Variants in NEDD4L observed in about 807,000 individuals in gnomAD.
NEDD4L encodes the protein E3 ubiquitin-protein ligase NEDD4-like.
A neutral mutation model predicts 148.9 loss-of-function variants in NEDD4L; 54 were observed. The ratio of observed to expected loss-of-function variants is 0.36; its 90% CI spans 0.29 to 0.45. NEDD4L has a LOEUF of 0.45. Among genes scored for constraint, NEDD4L ranks in the 20% least tolerant of loss-of-function variants. NEDD4L has a pLI of 1.00. For missense variants in NEDD4L, 856 were observed against 1,233.8 expected (o/e 0.69, Z 4.59); for synonymous variants, 433 against 440.7 (o/e 0.98, Z 0.22).
intron 6 of NEDD4L, among the ~76,000 whole-genome samples, chr18:58,321,989 T>A (rs3865417): frequency 1 from 152,242 of 152,352 alleles, 76,067 homozygotes; most frequent in Middle Eastern, 1. Flanking sequence ...TAGGCTGATG[T>A]TGTGAGATTT....
intron 1 of NEDD4L, among the ~76,000 whole-genome samples, chr18:58,140,499 CTGTT>C (rs2146122596): frequency 6.6e-6 from 1 of 152,022 alleles, no homozygotes; most frequent in African/African-American, 2.4e-5. Context: ...GATTAGCCCT[CTGTT>C]TGCCCCACAA....
intron 5 of NEDD4L, among the ~76,000 whole-genome samples, chr18:58,305,130 C>T (rs1242538638): frequency 6.6e-6 from 1 of 152,166 alleles, no homozygotes; most frequent in Non-Finnish European, 1.5e-5. Flanking sequence ...ATGGGCCCAG[C>T]GATTTCTCAT....
At chr18:58,310,342 C>T (rs1450156722) in intron 5 of NEDD4L, among the ~76,000 whole-genome samples, 2 of 152,186 alleles carry the variant, frequency 1.3e-5, no homozygotes, top group Admixed American at 1.3e-4. Context: ...AATTAAATGG[C>T]AGAGGAGCTG....
At position 58,105,965 on chromosome 18, in the gene NEDD4L, A is replaced by G. The variant is rs190222797; in HGVS notation, c.49-59823A>G. On this transcript the variant is annotated intron_variant, in intron 1 of 30. Transcript: ENST00000400345. ...ATGAGATTCCAGAAATTGTTATGAA[A>G]AAAGAAACCTTAGGTTACCCAGCAG... 2.2e-4 allele frequency among the ~76,000 whole-genome samples: 34 copies of G among 152,344 alleles called. 1 individual carries two copies. Among genetic ancestry groups the G allele is most frequent in the African/African-American group, 7.5e-4 (31 of 41,584 alleles).
At chr18:58,092,535 G>T (rs943906534) in intron 1 of NEDD4L, among the ~76,000 whole-genome samples, 1 of 152,234 alleles carries the variant, frequency 6.6e-6, no homozygotes, top group Admixed American at 6.5e-5. Context: ...TTTGATTTGG[G>T]AGGTACGAAA....
chr18:58,300,824 A>T (rs926862400), intron 5 of NEDD4L, among the ~76,000 whole-genome samples: 1 of 152,136 alleles, frequency 6.6e-6, no homozygotes, highest in Non-Finnish European at 1.5e-5. Context: ...GCTTTACTAG[A>T]TTTGCTCCTC....
intron 2 of NEDD4L, among the ~76,000 whole-genome samples, chr18:58,174,693 A>T (rs1455142302): frequency 6.6e-6 from 1 of 152,190 alleles, no homozygotes; most frequent in East Asian, 1.9e-4. Context: ...CTGGAGGGAC[A>T]CAATGACTGG....
intron 5 of NEDD4L, among the ~76,000 whole-genome samples, chr18:58,274,593 G>A (rs2051584889): frequency 6.6e-6 from 1 of 152,214 alleles, no homozygotes; most frequent in Non-Finnish European, 1.5e-5. Flanking sequence ...TTGAAGAACA[G>A]AAGATTTGTA....
chr18:58,347,075 A>G (rs773546160), intron 16 of NEDD4L, among the ~76,000 whole-genome samples: 5 of 152,080 alleles, frequency 3.3e-5, no homozygotes, highest in East Asian at 1.9e-4. Flanking sequence ...CTCACAGTCT[A>G]TGAAGTCTAG....
chr18:58,075,027 C>T (rs776672737), intron 1 of NEDD4L, among the ~76,000 whole-genome samples: 15 of 152,222 alleles, frequency 9.9e-5, no homozygotes, highest in Non-Finnish European at 2.1e-4. Context: ...ATAATAATAA[C>T]CTAGCACATA....
intron 1 of NEDD4L, among the ~76,000 whole-genome samples, chr18:58,088,935 C>T (rs1408426387): frequency 6.6e-6 from 1 of 152,092 alleles, no homozygotes; most frequent in African/African-American, 2.4e-5. Context: ...ATTCCACTTG[C>T]TGGCCAGACA....
intron 1 of NEDD4L, among the ~76,000 whole-genome samples, chr18:58,132,511 G>T (rs186390790): frequency 6.6e-6 from 1 of 152,316 alleles, no homozygotes; most frequent in East Asian, 1.9e-4. Context: ...TGTCAGATGG[G>T]GTAGTGGTAC....
At chr18:58,311,561 C>T (rs999498581) in intron 5 of NEDD4L, among the ~76,000 whole-genome samples, 2 of 152,152 alleles carry the variant, frequency 1.3e-5, no homozygotes, top group South Asian at 4.1e-4. Context: ...TTTGAGCTTC[C>T]GTGTGAAGTT....
At chr18:58,073,564 C>G (rs2083003070) in intron 1 of NEDD4L, among the ~76,000 whole-genome samples, 1 of 152,176 alleles carries the variant, frequency 6.6e-6, no homozygotes, top group African/African-American at 2.4e-5. Flanking sequence ...CAGATAAATG[C>G]ATGGATGAAC....
intron 1 of NEDD4L, among the ~76,000 whole-genome samples, chr18:58,058,880 TTAG>T (rs770714607): frequency 6.6e-6 from 1 of 152,168 alleles, no homozygotes; most frequent in Non-Finnish European, 1.5e-5. Context: ...CTCGTATAGA[TTAG>T]GCACCTCTTC....
chr18:58,119,335 A>G (rs1490068070), intron 1 of NEDD4L, among the ~76,000 whole-genome samples: 1 of 152,060 alleles, frequency 6.6e-6, no homozygotes, highest in Non-Finnish European at 1.5e-5. Context: ...GGGCACCTGT[A>G]TACATTTGTG....
intron 5 of NEDD4L, among the ~76,000 whole-genome samples, chr18:58,275,347 G>T (rs2051733848): frequency 1.3e-5 from 2 of 152,124 alleles, no homozygotes; most frequent in Admixed American, 6.5e-5. Flanking sequence ...AGGTGACAGA[G>T]GTAGAAAATC....
At chr18:58,289,530 G>A (rs907515201) in intron 5 of NEDD4L, among the ~76,000 whole-genome samples, 1 of 152,176 alleles carries the variant, frequency 6.6e-6, no homozygotes. Flanking sequence ...AAACATAAGT[G>A]TGTTTTGGAC....
intron 5 of NEDD4L, among the ~76,000 whole-genome samples, chr18:58,267,514 C>T (rs1035446419): frequency 6.6e-6 from 1 of 152,020 alleles, no homozygotes; most frequent in African/African-American, 2.4e-5. Context: ...TAGTATGTGG[C>T]AGATCCTGGT....
Sources: gnomAD v4.1 joint callset for allele counts (sites outside exome capture counted in the v4.1 genomes callset) on GRCh38, gnomAD v4.1.1 for gene constraint, MANE v1.5 for transcripts, NCBI Gene and HGNC (gene_info 2026-07-23, HGNC 2026-07-21) for gene names.